The following ZNF593 variants were observed in gnomAD, a reference collection of about 807,000 sequenced individuals.
ZNF593 encodes the protein zinc finger protein 593.
Under a neutral mutation model 12.9 loss-of-function variants are expected in ZNF593, and 18 were observed. The observed-to-expected ratio is 1.40, with a 90% CI of 0.96 to 2.07. The LOEUF (loss-of-function observed/expected upper bound fraction) is 2.07. Among genes scored for constraint, ZNF593 ranks in the 30% most tolerant of loss-of-function variants. The pLI is 0.00. For synonymous variants in ZNF593, 79 were observed against 79.9 expected (o/e 0.99, Z 0.06); for missense variants, 198 against 186.7 (o/e 1.06, Z -0.35).
At position 26,169,921 on chromosome 1, in the gene ZNF593, G is replaced by A. The variant is rs2088466783; in HGVS notation, c.-63G>A. 9 of 1,460,978 alleles carry A rather than the reference G, an allele frequency of 6.2e-6. No individual in the cohort carries two copies. The Admixed American group carries it at 9.1e-5, about 15-fold the overall frequency. The allele number at this position is 1,460,978 out of a possible 1,614,324, so 90.5% of individuals were successfully genotyped here. A position where few individuals can be genotyped will look rare whatever the true frequency, so the allele number is the denominator to read the frequency against. ...CCTGACGTAGCTGATCGGCCCGGAA[G>A]TGCTCACACGTGTGCTCCCTGCCCT... On this transcript the variant is annotated 5_prime_UTR_variant, in exon 1 of 3. The change creates a new upstream start codon in the 5' untranslated region. Transcript: ENST00000374266.
At position 26,170,637 on chromosome 1, in the gene ZNF593, G is replaced by A; in HGVS notation, c.326G>A (p.Gly109Glu). 1 of 1,613,152 alleles carries A rather than the reference G, an allele frequency of 6.2e-7. No homozygotes were observed. The highest frequency in any genetic ancestry group is 8.5e-7 in the Non-Finnish European group (1 of 1,180,042). The change falls in exon 3 of 3, where the codon GGA (glycine) becomes GAA (glutamate). Residue 109 changes from glycine (G) to glutamate (E), a missense_variant. Gly to Glu is a moderately conservative substitution (Grantham distance 98). Coordinates refer to ENST00000374266, the MANE Select transcript of ZNF593 (RefSeq NM_015871.5). ...GAGGCGGAGAGGGCAGCGGGTATGG[G>A]ATCCTATGTGCCCCCCAGGCGGCTG... is the stretch of plus-strand genomic sequence containing the variant. Reference protein sequence around the residue: ...QEEAERAAGMGSYVPPRRLAV... With the variant: ...QEEAERAAGMESYVPPRRLAV...
intron 1 of ZNF593, 93 bp downstream of exon 1, chr1:26,170,276 T>G (rs2088474368): frequency 1.3e-6 from 2 of 1,551,418 alleles, no homozygotes; most frequent in Admixed American, 3.6e-5. Flanking sequence ...CGCAGAGTCT[T>G]CTCTCTTGGG....
In ZNF593 at chr1:26,170,857, G is replaced by A; in HGVS notation, c.*141G>A. On this transcript the variant is annotated 3_prime_UTR_variant, in exon 3 of 3. Transcript: ENST00000374266. The stretch of plus-strand genomic sequence containing the variant: ...TCTTGGTGCCCTGCCCCAAATAAAG[G>A]AACTGGACAAAGAGAACTTGCCTCC... 9.3e-7 allele frequency: 1 copy of A among 1,078,626 alleles called. No individual in the cohort carries two copies. The highest frequency in any genetic ancestry group is 1.3e-6 in the Non-Finnish European group (1 of 771,114). 66.8% of individuals were successfully genotyped at this position (1,078,626 alleles called of 1,614,324 possible).
At chr1:26,170,290 C>T (rs2088474432) in intron 1 of ZNF593, 107 bp downstream of exon 1, 22 of 1,531,956 alleles carry the variant, frequency 1.4e-5, no homozygotes, top group African/African-American at 2.7e-5. Context: ...TCTTGGGACC[C>T]GTGGGTCCGC....
Position 26,170,873 on chromosome 1 carries a change from A to G in ZNF593, c.*157A>G, listed in dbSNP as rs2232657. The G allele has an allele frequency of 9.7e-4, 910 of 938,130 alleles. 7 individuals carry two copies. In the African/African-American group the frequency reaches 0.012, roughly 12 times the overall value. 58.1% of individuals were successfully genotyped at this position (938,130 alleles called of 1,614,324 possible). A position where few individuals can be genotyped will look rare whatever the true frequency, so the allele number is the denominator to read the frequency against. On this transcript the variant is annotated 3_prime_UTR_variant, in exon 3 of 3. Coordinates refer to ENST00000374266, the MANE Select transcript of ZNF593 (RefSeq NM_015871.5). ...CAAATAAAGGAACTGGACAAAGAGAACTTGCCTCCAACTCTAACTTCCAGG... is the reference window on the plus strand; with the variant it reads ...CAAATAAAGGAACTGGACAAAGAGAGCTTGCCTCCAACTCTAACTTCCAGG...
At position 26,170,481 on chromosome 1, in the gene ZNF593, G is replaced by A; in HGVS notation, c.263+1G>A. On this transcript the variant is annotated splice_donor_variant, in intron 2 of 2. Coordinates refer to ENST00000374266, the MANE Select transcript of ZNF593 (RefSeq NM_015871.5). LOFTEE classifies it high-confidence loss of function. ...TCCGATCCAAAGACCACAAGAAAAG[G>A]TATGAAGGAGTAAGGAGAGGATTGA... 1 of 1,614,164 alleles carries A rather than the reference G, an allele frequency of 6.2e-7. No individual in the cohort carries two copies. The highest frequency in any genetic ancestry group is 8.5e-7 in the Non-Finnish European group (1 of 1,180,000).
Position 26,169,925 on chromosome 1 carries a change from T to C in ZNF593, c.-59T>C. On this transcript the variant is annotated 5_prime_UTR_variant, in exon 1 of 3. Transcript: ENST00000374266. ...ACGTAGCTGATCGGCCCGGAAGTGCTCACACGTGTGCTCCCTGCCCTGCTC... is the reference window on the plus strand; with the variant it reads ...ACGTAGCTGATCGGCCCGGAAGTGCCCACACGTGTGCTCCCTGCCCTGCTC... 5 of 1,474,988 alleles carry C rather than the reference T, an allele frequency of 3.4e-6. No individual in the cohort carries two copies. The highest frequency in any genetic ancestry group is 3.6e-6 in the Non-Finnish European group (4 of 1,114,240). The allele number at this position is 1,474,988 out of a possible 1,614,324, so 91.4% of individuals were successfully genotyped here.
Position 26,170,190 on chromosome 1 carries a change from C to G in ZNF593, c.200+7C>G. On this transcript the variant is annotated splice_region_variant and intron_variant, in intron 1 of 2. Transcript: ENST00000374266. ...ACCGCTGTCTGGCCTGCGCGTGAGTCCCGGACGAGCCCGGCCTGGGGCGGA... is the reference window on the plus strand; with the variant it reads ...ACCGCTGTCTGGCCTGCGCGTGAGTGCCGGACGAGCCCGGCCTGGGGCGGA... 6.4e-7 allele frequency: 1 copy of G among 1,571,328 alleles called. No individual in the cohort carries two copies. The highest frequency in any genetic ancestry group is 8.6e-7 in the Non-Finnish European group (1 of 1,162,956).
chr1:26,170,673 CG>C lies in ZNF593; in HGVS notation c.364del (p.Glu122LysfsTer17). ...YVPPRRLAVP[T>X]EVSTEVPEMD... ...CCCCCCAGGCGGCTGGCAGTGCCCA[CG>C]GAAGTGTCCACTGAGGTCCCTGAGA... On this transcript the variant is annotated frameshift_variant, in exon 3 of 3. Transcript: ENST00000374266. LOFTEE classifies it high-confidence loss of function. 1 of 1,610,696 alleles carries C rather than the reference CG, an allele frequency of 6.2e-7. No individual in the cohort carries two copies. The highest frequency in any genetic ancestry group is 8.5e-7 in the Non-Finnish European group (1 of 1,179,984).
In ZNF593 at chr1:26,170,132, A is replaced by C. The variant is rs1486131304; in HGVS notation, c.149A>C (p.Glu50Ala). The C allele has an allele frequency of 6.4e-6, 10 of 1,572,242 alleles. No homozygotes were observed. Among genetic ancestry groups the C allele is most frequent in the Non-Finnish European group, 7.8e-6 (9 of 1,161,200 alleles). Residue 50 changes from glutamate to alanine, a missense_variant, in exon 1 of 3, where the codon GAG becomes GCG. Coordinates refer to ENST00000374266, the MANE Select transcript of ZNF593 (RefSeq NM_015871.5). ...CGACCCCAGCCCGACCCAAACGCCG[A>C]GTTCGACCCCGACCTGCCAGGGGGC... ...SARPQPDPNA[E>A]FDPDLPGGGL...
In ZNF593 at chr1:26,170,199, G is replaced by T. The variant is rs1179197490; in HGVS notation, c.200+16G>T. ...TGGCCTGCGCGTGAGTCCCGGACGA[G>T]CCCGGCCTGGGGCGGAGGAGGGTCC... On this transcript the variant is annotated intron_variant, in intron 1 of 2. Coordinates refer to ENST00000374266, the MANE Select transcript of ZNF593 (RefSeq NM_015871.5). 3.8e-6 allele frequency: 6 copies of T among 1,575,780 alleles called. No individual in the cohort carries two copies. The highest frequency in any genetic ancestry group is 1.8e-5 in the Admixed American group (1 of 54,182).
rs1170626536 is a variant in ZNF593, at chr1:26,170,594, G to A, written c.283G>A (p.Glu95Lys). The A allele has an allele frequency of 6.2e-7, 1 of 1,613,738 alleles. No individual in the cohort carries two copies. The highest frequency in any genetic ancestry group is 1.1e-5 in the South Asian group (1 of 91,082). Reference protein sequence around the residue: ...HKKRLKQLSVEPYSQEEAERA... With the variant: ...HKKRLKQLSVKPYSQEEAERA... ...TCCCAGGCTGAAGCAGCTGAGCGTC[G>A]AGCCCTACAGTCAGGAAGAGGCGGA... Residue 95 changes from glutamate (E) to lysine (K), a missense_variant, in exon 3 of 3, where the codon GAG becomes AAG. Transcript: ENST00000374266.
rs1368779239 is a variant in ZNF593, at chr1:26,170,165, A to G, written c.182A>G (p.His61Arg). 2.5e-6 allele frequency: 4 copies of G among 1,570,892 alleles called. No individual in the cohort carries two copies. Among genetic ancestry groups the G allele is most frequent in the African/African-American group, 2.7e-5 (2 of 73,736 alleles). Residue 61 changes from histidine to arginine, a missense_variant, in exon 1 of 3, where the codon CAC (histidine) becomes CGC (arginine). By Grantham distance (29) the His-to-Arg change is conservative. Coordinates refer to ENST00000374266, the MANE Select transcript of ZNF593 (RefSeq NM_015871.5). ...CCCGACCTGCCAGGGGGCGGTCTGC[A>G]CCGCTGTCTGGCCTGCGCGTGAGTC... Reference protein sequence around the residue: ...FDPDLPGGGLHRCLACARYFI... With the variant: ...FDPDLPGGGLRRCLACARYFI...
chr1:26,170,032 C>T lies in ZNF593; in HGVS notation c.49C>T (p.Arg17Trp), dbSNP rs1355831753. The change falls in exon 1 of 3, where the codon CGG becomes TGG. Residue 17 changes from arginine (R) to tryptophan (W), a missense_variant. Coordinates refer to ENST00000374266, the MANE Select transcript of ZNF593 (RefSeq NM_015871.5). The part of the protein sequence containing the change: ...TGAHRAHSLA[R>W]QMKAKRRRPD... ...CGCGCACCGAGCGCACTCTCTAGCC[C>T]GGCAGATGAAGGCGAAGCGGCGGCG... is the stretch of plus-strand genomic sequence containing the variant. 4 of 1,571,962 alleles carry T rather than the reference C, an allele frequency of 2.5e-6. No homozygotes were observed. The highest frequency in any genetic ancestry group is 2.6e-6 in the Non-Finnish European group (3 of 1,162,494).
intron 1 of ZNF593, 80 bp downstream of exon 1, chr1:26,170,263 C>G (rs2088474136): frequency 3.2e-6 from 5 of 1,563,056 alleles, no homozygotes; most frequent in Non-Finnish European, 4.3e-6. Flanking sequence ...AAGCCCCAGG[C>G]AGCGCAGAGT....
chr1:26,170,871 G>A lies in ZNF593; in HGVS notation c.*155G>A. The A allele has an allele frequency of 1.0e-6, 1 of 966,968 alleles. No individual in the cohort carries two copies. The highest frequency in any genetic ancestry group is 1.5e-6 in the Non-Finnish European group (1 of 671,928). The allele number at this position is 966,968 out of a possible 1,614,324, so 59.9% of individuals were successfully genotyped here. ...CCCAAATAAAGGAACTGGACAAAGA[G>A]AACTTGCCTCCAACTCTAACTTCCA... On this transcript the variant is annotated 3_prime_UTR_variant, in exon 3 of 3. Coordinates refer to ENST00000374266, the MANE Select transcript of ZNF593 (RefSeq NM_015871.5).
Position 26,170,031 on chromosome 1 carries a change from C to G in ZNF593, c.48C>G (p.Ala16=). 6.4e-7 allele frequency: 1 copy of G among 1,571,526 alleles called. No homozygotes were observed. The highest frequency in any genetic ancestry group is 8.6e-7 in the Non-Finnish European group (1 of 1,162,256). The stretch of plus-strand genomic sequence containing the variant: ...GCGCGCACCGAGCGCACTCTCTAGC[C>G]CGGCAGATGAAGGCGAAGCGGCGGC... The part of the protein sequence containing the change: ...RTGAHRAHSL[A]RQMKAKRRRP... The change falls in exon 1 of 3, where the codon GCC becomes GCG. Residue 16 remains alanine, a synonymous_variant. Transcript: ENST00000374266.
rs192858572 is a variant in ZNF593 at position 26,169,968 on chromosome 1, C to A, written c.-16C>A. ...CCCTGCTCCTGGCCCCTTGGCCGGC[C>A]GGGCTGTTTCTGGCCATGGGTCGCT... is the stretch of plus-strand genomic sequence containing the variant. On this transcript the variant is annotated 5_prime_UTR_variant, in exon 1 of 3. Transcript: ENST00000374266. 269 of 1,531,082 alleles carry A rather than the reference C, an allele frequency of 1.8e-4. 1 individual carries two copies. The African/African-American group carries it at 3.5e-3, about 20-fold the overall frequency. 94.8% of individuals were successfully genotyped at this position (1,531,082 alleles called of 1,614,324 possible). A position where few individuals can be genotyped will look rare whatever the true frequency, so the allele number is the denominator to read the frequency against.
chr1:26,170,711 A>T lies in ZNF593; in HGVS notation c.400A>T (p.Thr134Ser). 1.2e-6 allele frequency: 2 copies of T among 1,604,820 alleles called. No homozygotes were observed. Among genetic ancestry groups the T allele is most frequent in the Non-Finnish European group, 1.7e-6 (2 of 1,179,610 alleles). ...STEVPEMDTST is the reference protein window; with the variant it reads ...STEVPEMDTSS ...TGAGGTCCCTGAGATGGATACCTCT[A>T]CCTGACATGGCCTGAAGATGCAGGG... Residue 134 changes from threonine (T) to serine (S), a missense_variant, in exon 3 of 3, where the codon ACC becomes TCC. Coordinates refer to ENST00000374266, the MANE Select transcript of ZNF593 (RefSeq NM_015871.5).
Sources: allele counts gnomAD v4.1 joint callset, GRCh38; gene constraint gnomAD v4.1.1; transcripts MANE v1.5; gene names NCBI Gene and HGNC (gene_info 2026-07-23, HGNC 2026-07-21).